Variants in NRXN1 observed in about 807,000 individuals in gnomAD.
NRXN1 encodes the protein neurexin-1.
A neutral mutation model predicts 150.9 loss-of-function variants in NRXN1; 39 were observed. The ratio of observed to expected loss-of-function variants is 0.26; its 90% CI spans 0.20 to 0.34. NRXN1 has a LOEUF of 0.34. NRXN1 is among the 10% of genes least tolerant of loss of function. The pLI, the probability that NRXN1 is intolerant of heterozygous loss-of-function variation, is 1.00. For synonymous variants in NRXN1, 924 were observed against 757.0 expected, an observed-to-expected ratio of 1.22 and a Z score of -3.62; for missense variants, 1,815 against 1,949.9, an observed-to-expected ratio of 0.93 and a Z score of 1.30.
intron 5 of NRXN1, among the ~76,000 whole-genome samples, chr2:50,875,016 T>A (rs1163742792): frequency 6.6e-6 from 1 of 151,842 alleles, no homozygotes; most frequent in Non-Finnish European, 1.5e-5. Context: ...TATATGTTAG[T>A]GAATATAAAA....
At chr2:50,763,181 T>G (rs1347624891) in intron 5 of NRXN1, among the ~76,000 whole-genome samples, 1 of 152,132 alleles carries the variant, frequency 6.6e-6, no homozygotes, top group East Asian at 1.9e-4. Context: ...AATCGACTAG[T>G]TCCTGTAATT....
intron 18 of NRXN1, among the ~76,000 whole-genome samples, chr2:50,122,638 T>A (rs1704019858): frequency 6.6e-6 from 1 of 152,244 alleles, no homozygotes; most frequent in South Asian, 2.1e-4. Context: ...TCTCAGTGTG[T>A]TCCATAACCC....
In NRXN1 at chr2:50,229,329, T is replaced by G. The variant is rs377354638; in HGVS notation, c.3546+7460A>C. The stretch of plus-strand genomic sequence containing the variant: ...CTTATGGCTTTCAGCGCATTTTTTT[T>G]TGTGTGTGTGTGTGTAATAAAAGTA... On this transcript the variant is annotated intron_variant, in intron 18 of 22. Coordinates refer to ENST00000401669, the MANE Select transcript of NRXN1 (RefSeq NM_001330078.2). 7.3e-3 allele frequency among the ~76,000 whole-genome samples: 917 copies of G among 125,542 alleles called. 8 individuals carry two copies. Among genetic ancestry groups the G allele is most frequent in the African/African-American group, 0.022 (732 of 33,574 alleles). The allele number at this position is 125,542 out of a possible 152,430, so 82.4% of individuals were successfully genotyped here. A position where few individuals can be genotyped will look rare whatever the true frequency, so the allele number is the denominator to read the frequency against.
chr2:50,455,191 G>C (rs1237648434), intron 17 of NRXN1, among the ~76,000 whole-genome samples: 1 of 152,132 alleles, frequency 6.6e-6, no homozygotes, highest in Non-Finnish European at 1.5e-5. Flanking sequence ...CAGAAAAACT[G>C]CATGTTAACA....
intron 17 of NRXN1, among the ~76,000 whole-genome samples, chr2:50,422,023 C>T (rs138853360): frequency 1.4e-3 from 211 of 152,250 alleles, no homozygotes; most frequent in African/African-American, 4.9e-3. Context: ...GAATTTTTCA[C>T]ATAATGAATT....
chr2:50,129,791 C>T (rs1292047580), intron 18 of NRXN1, among the ~76,000 whole-genome samples: 1 of 151,896 alleles, frequency 6.6e-6, no homozygotes. Context: ...TTGGCCACTC[C>T]AAAAAACAAC....
At chr2:50,842,854 G>A (rs966243649) in intron 5 of NRXN1, among the ~76,000 whole-genome samples, 2 of 152,004 alleles carry the variant, frequency 1.3e-5, no homozygotes, top group Non-Finnish European at 2.9e-5. Flanking sequence ...ATTTTATCCT[G>A]GCTAGAAAAT....
chr2:50,478,113 G>A (rs2090141336), intron 15 of NRXN1, among the ~76,000 whole-genome samples: 1 of 152,122 alleles, frequency 6.6e-6, no homozygotes, highest in Non-Finnish European at 1.5e-5. Context: ...GATACACTGA[G>A]AGAGCTTGTC....
At chr2:51,024,580 G>A (rs948144376) in intron 2 of NRXN1, among the ~76,000 whole-genome samples, 2 of 152,004 alleles carry the variant, frequency 1.3e-5, no homozygotes, top group Non-Finnish European at 2.9e-5. Flanking sequence ...CAAACACAAA[G>A]CCAGGATGAA....
intron 5 of NRXN1, among the ~76,000 whole-genome samples, chr2:50,674,300 C>G (rs1262309674): frequency 1.3e-5 from 2 of 151,948 alleles, no homozygotes; most frequent in African/African-American, 4.8e-5. Context: ...TAAAAACAAA[C>G]TAACAAACAA....
At chr2:49,956,589 A>G (rs187934875) in intron 21 of NRXN1, among the ~76,000 whole-genome samples, 3 of 152,234 alleles carry the variant, frequency 2.0e-5, no homozygotes, top group Non-Finnish European at 4.4e-5. Context: ...CATAGCAAGA[A>G]AAGTCCAAGG....
intron 9 of NRXN1, among the ~76,000 whole-genome samples, chr2:50,550,348 T>C (rs1667259257): frequency 1.3e-5 from 2 of 152,170 alleles, no homozygotes; most frequent in African/African-American, 4.8e-5. Flanking sequence ...GTGTGGGGAT[T>C]ACAGGTGTGA....
chr2:50,033,391 C>G (rs1573520817), intron 21 of NRXN1, among the ~76,000 whole-genome samples: 1 of 151,964 alleles, frequency 6.6e-6, no homozygotes, highest in African/African-American at 2.4e-5. Flanking sequence ...ACTCCCTATT[C>G]AATAAATGGT....
chr2:50,476,525 C>T (rs902412088), intron 15 of NRXN1, among the ~76,000 whole-genome samples: 1 of 148,890 alleles, frequency 6.7e-6, no homozygotes, highest in Non-Finnish European at 1.5e-5. Flanking sequence ...TAGTATACAG[C>T]ATGGACTTAG....
At chr2:50,290,191 ATAAT>A (rs1398216466) in intron 17 of NRXN1, among the ~76,000 whole-genome samples, 1 of 152,184 alleles carries the variant, frequency 6.6e-6, no homozygotes, top group African/African-American at 2.4e-5. Flanking sequence ...TTTGCGCAAA[ATAAT>A]TAACGACAAA....
intron 5 of NRXN1, among the ~76,000 whole-genome samples, chr2:50,639,040 G>A (rs543446249): frequency 1.3e-5 from 2 of 151,694 alleles, no homozygotes; most frequent in East Asian, 1.9e-4. Flanking sequence ...AAACACAAAC[G>A]TTATTCAACC....
At chr2:50,970,910 T>C (rs887268335) in intron 2 of NRXN1, among the ~76,000 whole-genome samples, 5 of 152,256 alleles carry the variant, frequency 3.3e-5, no homozygotes, top group African/African-American at 1.2e-4. Context: ...TGAAATTCTT[T>C]AAACTTTGCT....
intron 5 of NRXN1, among the ~76,000 whole-genome samples, chr2:50,820,732 G>C (rs953154630): frequency 1.3e-5 from 2 of 152,168 alleles, no homozygotes; most frequent in Admixed American, 1.3e-4. Flanking sequence ...AAACAAGGAG[G>C]AGCCTGGTGT....
At chr2:50,752,372 A>G (rs1369349697) in intron 5 of NRXN1, among the ~76,000 whole-genome samples, 2 of 151,982 alleles carry the variant, frequency 1.3e-5, no homozygotes, top group East Asian at 1.9e-4. Context: ...ATTATTTAAC[A>G]TATAAACATG....
Sources: allele counts gnomAD v4.1 joint callset (sites outside exome capture counted in the v4.1 genomes callset), GRCh38; gene constraint gnomAD v4.1.1; transcripts MANE v1.5; gene names NCBI Gene and HGNC (gene_info 2026-07-23, HGNC 2026-07-21).